FAM133B: variants seen among roughly 807,000 people sequenced by gnomAD.
FAM133B encodes the protein protein FAM133B.
A neutral mutation model predicts 46.4 loss-of-function variants in FAM133B; 25 were observed. That is an observed-to-expected ratio of 0.54 (90% CI 0.39 to 0.75). The LOEUF (loss-of-function observed/expected upper bound fraction) is 0.75, where lower values mean the gene tolerates loss of function less well. FAM133B is among the 30% of genes least tolerant of loss of function. FAM133B has a pLI of 0.00. For missense variants in FAM133B, 205 were observed against 277.6 expected (o/e 0.74, Z 1.86); for synonymous variants, 75 against 86.0 (o/e 0.87, Z 0.71).
intron 8 of FAM133B, among the ~76,000 whole-genome samples, chr7:92,570,180 C>A (rs1794484004): frequency 2.0e-5 from 3 of 152,030 alleles, no homozygotes; most frequent in African/African-American, 7.2e-5. Flanking sequence ...TTTATACAGT[C>A]ATATGAAATA....
chr7:92,582,312 A>ATAAC (rs1258725326), intron 1 of FAM133B, among the ~76,000 whole-genome samples: 1 of 132,574 alleles, frequency 7.5e-6, no homozygotes, highest in Non-Finnish European at 1.6e-5. Flanking sequence ...AATAACATAA[A>ATAAC]ATAACATAAC....
chr7:92,578,015 A>C (rs1404936928), intron 5 of FAM133B, 135 bp downstream of exon 5: 10 of 791,432 alleles, frequency 1.3e-5, no homozygotes, highest in Non-Finnish European at 2.0e-5. Context: ...CACTCTTCAC[A>C]ATCAAAGAAC....
At chr7:92,590,008 G>A (rs754726230) in intron 1 of FAM133B, 7 of 569,936 alleles carry the variant, frequency 1.2e-5, no homozygotes, top group Non-Finnish European at 2.2e-5. Flanking sequence ...CAGCAGGCAA[G>A]AGTGCAAACC....
intron 8 of FAM133B, among the ~76,000 whole-genome samples, chr7:92,573,890 A>C (rs980494534): frequency 1.3e-5 from 2 of 151,570 alleles, no homozygotes; most frequent in Non-Finnish European, 2.9e-5. Flanking sequence ...ATTTTTTTTT[A>C]AATTTAGATG....
At chr7:92,586,895 T>C (rs1413174194) in intron 1 of FAM133B, among the ~76,000 whole-genome samples, 1 of 152,218 alleles carries the variant, frequency 6.6e-6, no homozygotes, top group Non-Finnish European at 1.5e-5. Context: ...AAGAGCCCTT[T>C]ACAAGTCCTG....
chr7:92,579,463 C>A, intron 2 of FAM133B, 68 bp from the exon 3 acceptor site: 1 of 1,120,634 alleles, frequency 8.9e-7, no homozygotes, highest in Non-Finnish European at 1.3e-6. Context: ...ACAAATAAGA[C>A]AACAAAATTT....
At chr7:92,589,988 G>A (rs941859153) in intron 1 of FAM133B, 2 of 532,454 alleles carry the variant, frequency 3.8e-6, no homozygotes, top group Non-Finnish European at 6.7e-6. Context: ...GGGCACTGGG[G>A]GCCCGCGTAC....
intron 1 of FAM133B, among the ~76,000 whole-genome samples, chr7:92,582,790 C>A (rs1255774122): frequency 6.6e-6 from 1 of 152,104 alleles, no homozygotes; most frequent in Non-Finnish European, 1.5e-5. Context: ...CAAAGAGATG[C>A]CATTCTATAC....
chr7:92,587,908 G>A (rs1347100850), intron 1 of FAM133B, among the ~76,000 whole-genome samples: 1 of 152,074 alleles, frequency 6.6e-6, no homozygotes, highest in African/African-American at 2.4e-5. Context: ...ATGCACGAGT[G>A]GGGTCAGGAG....
Position 92,574,376 on chromosome 7 carries a change from T to C in FAM133B, c.516+1395A>G, listed in dbSNP as rs148196659. Among the ~76,000 whole-genome samples the C allele has an allele frequency of 6.0e-3, 918 of 152,286 alleles. 5 individuals are homozygous for C. The highest frequency in any genetic ancestry group is 0.018 in the South Asian group (85 of 4,830). On this transcript the variant is annotated intron_variant, in intron 8 of 10. Coordinates refer to ENST00000445716, the MANE Select transcript of FAM133B (RefSeq NM_152789.4). ...GATAAATCCAGAATAGGCAAATCCA[T>C]AGTCAGAATACCCATTAGAGGTTAC... is the stretch of plus-strand genomic sequence containing the variant.
chr7:92,569,953 A>G, intron 8 of FAM133B, 38 bp from the exon 9 acceptor site: 1 of 884,582 alleles, frequency 1.1e-6, no homozygotes, highest in Non-Finnish European at 1.6e-6. Flanking sequence ...ACTCAGACAT[A>G]CTTTGTCACA....
chr7:92,569,743 T>C (rs1794473169), intron 9 of FAM133B, 80 bp downstream of exon 9: 7 of 664,312 alleles, frequency 1.1e-5, no homozygotes, highest in Non-Finnish European at 1.7e-5. Flanking sequence ...ATATGAAGTA[T>C]TTCTTTTTCT....
At chr7:92,575,602 T>C (rs1013857624) in intron 8 of FAM133B, among the ~76,000 whole-genome samples, 169 bp downstream of exon 8, 38 of 152,240 alleles carry the variant, frequency 2.5e-4, no homozygotes, top group African/African-American at 8.0e-4. Flanking sequence ...ACTCTTTTGA[T>C]CCTTTATCTT....
At chr7:92,572,953 G>A (rs1166700357) in intron 8 of FAM133B, among the ~76,000 whole-genome samples, 1 of 151,694 alleles carries the variant, frequency 6.6e-6, no homozygotes, top group Non-Finnish European at 1.5e-5. Flanking sequence ...AAAGAAACAA[G>A]TTTCAGAAGG....
At chr7:92,579,950 G>A (rs1249735278) in intron 2 of FAM133B, among the ~76,000 whole-genome samples, 2 of 152,154 alleles carry the variant, frequency 1.3e-5, no homozygotes, top group Non-Finnish European at 2.9e-5. Flanking sequence ...GCCCTAGGTG[G>A]GCATCTGGGA....
At chr7:92,568,873 G>A (rs1218307031) in intron 9 of FAM133B, among the ~76,000 whole-genome samples, 1 of 152,026 alleles carries the variant, frequency 6.6e-6, no homozygotes, top group Admixed American at 6.6e-5. Flanking sequence ...TTTCATTTCA[G>A]GAGCAATTAC....
intron 3 of FAM133B, 191 bp downstream of exon 3, chr7:92,579,126 C>A (rs957893161): frequency 5.5e-6 from 3 of 546,978 alleles, no homozygotes; most frequent in Non-Finnish European, 9.8e-6. Context: ...GAGAGCTATG[C>A]CCAAATACTT....
chr7:92,565,948 T>A, intron 10 of FAM133B, 66 bp downstream of exon 10: 1 of 1,525,256 alleles, frequency 6.6e-7, no homozygotes, highest in Admixed American at 1.7e-5. Flanking sequence ...AGCTTTACCA[T>A]GACTCATTTT....
intron 1 of FAM133B, among the ~76,000 whole-genome samples, chr7:92,584,821 C>T (rs569869248): frequency 2.8e-4 from 42 of 152,264 alleles, no homozygotes; most frequent in African/African-American, 9.9e-4. Context: ...ATTATTTGTA[C>T]TGTTCAACAC....
Sources: allele counts gnomAD v4.1 joint callset (sites outside exome capture counted in the v4.1 genomes callset), GRCh38; gene constraint gnomAD v4.1.1; transcripts MANE v1.5; gene names NCBI Gene and HGNC (gene_info 2026-07-23, HGNC 2026-07-21).